RHOU: variants seen among roughly 807,000 people sequenced by gnomAD.
RHOU encodes the protein rho-related GTP-binding protein RhoU.
In RHOU, 8 loss-of-function variants were observed where a neutral mutation model predicts 12.6. The ratio of observed to expected loss-of-function variants is 0.64; its 90% confidence interval spans 0.37 to 1.15. The LOEUF is 1.15. RHOU is among the 50% of genes most tolerant of loss of function. The probability of loss-of-function intolerance (pLI) is 0.01; values close to 1 mark genes in which losing one functional copy is unlikely to be tolerated. For synonymous variants in RHOU, 161 were observed against 147.4 expected (o/e 1.09, Z -0.67); for missense variants, 258 against 347.0 (o/e 0.74, Z 2.04).
the RHOU span, among the ~76,000 whole-genome samples, chr1:228,689,834 T>C: frequency 7.9e-5 from 12 of 152,006 alleles, no homozygotes; most frequent in African/African-American, 2.7e-4. Flanking sequence ...AAAAATTGTC[T>C]TCCACGAAAC....
the RHOU span, among the ~76,000 whole-genome samples, chr1:228,677,508 T>A: frequency 1.3e-5 from 2 of 152,108 alleles, no homozygotes; most frequent in Non-Finnish European, 2.9e-5. Context: ...CCCCCCCTTT[T>A]TTTTAGCAGT....
At chr1:228,648,602 C>T in the RHOU span, among the ~76,000 whole-genome samples, 1 of 152,304 alleles carries the variant, frequency 6.6e-6, no homozygotes, top group Admixed American at 6.5e-5. Flanking sequence ...TGAACTGCAG[C>T]TTTACAGTTG....
the RHOU span, among the ~76,000 whole-genome samples, chr1:228,670,772 G>A: frequency 2.6e-5 from 4 of 152,112 alleles, no homozygotes; most frequent in African/African-American, 9.7e-5. Flanking sequence ...CTCCCTTGCC[G>A]TTCTCATGAT....
the RHOU span, among the ~76,000 whole-genome samples, chr1:228,648,279 G>T: frequency 1.3e-5 from 2 of 152,206 alleles, no homozygotes; most frequent in Non-Finnish European, 2.9e-5. Flanking sequence ...CCTCCGCGGC[G>T]CCACCCTGTT....
the RHOU span, among the ~76,000 whole-genome samples, chr1:228,690,454 T>C: frequency 2.7e-5 from 4 of 149,966 alleles, no homozygotes; most frequent in Non-Finnish European, 5.9e-5. Context: ...GCCTCCTGAG[T>C]AGCTGGGATT....
chr1:228,658,448 G>A, the RHOU span, among the ~76,000 whole-genome samples: 2 of 152,148 alleles, frequency 1.3e-5, no homozygotes, highest in Non-Finnish European at 2.9e-5. Flanking sequence ...ATGTTCCTCC[G>A]CTCTGAAAGA....
At chr1:228,671,735 A>AAAG in the RHOU span, among the ~76,000 whole-genome samples, 1 of 150,456 alleles carries the variant, frequency 6.6e-6, no homozygotes, top group Non-Finnish European at 1.5e-5. Flanking sequence ...AAAAAAAAAA[A>AAAG]GAGAACTAAG....
Position 228,738,686 on chromosome 1 carries a change from G to A in RHOU, c.321+955G>A, listed in dbSNP as rs1662662635. 6.6e-6 allele frequency among the ~76,000 whole-genome samples: 1 copy of A among 152,194 alleles called. No homozygotes were observed. The highest frequency in any genetic ancestry group is 1.5e-5 in the Non-Finnish European group (1 of 68,038). On this transcript the variant is annotated intron_variant, in intron 2 of 2. Coordinates refer to ENST00000366691, the MANE Select transcript of RHOU (RefSeq NM_021205.6). This position sits in a 1 kb window ranked among gnomAD's most constrained non-coding sequence, Gnocchi z 4.2. ...CCTACTCTGGGACAGCAGATTCAGA[G>A]CTAAGGACAGATCTTATTTTTTAAA...
chr1:228,655,745 G>A, the RHOU span, among the ~76,000 whole-genome samples: 1 of 152,248 alleles, frequency 6.6e-6, no homozygotes, highest in African/African-American at 2.4e-5. Context: ...ATTGGTTAGT[G>A]ATGCTTTCAA....
chr1:228,705,705 C>T, the RHOU span, among the ~76,000 whole-genome samples: 1 of 152,102 alleles, frequency 6.6e-6, no homozygotes, highest in African/African-American at 2.4e-5. Flanking sequence ...GATCCTGGAC[C>T]CAGTCCAGTT....
chr1:228,682,931 G>A, the RHOU span, among the ~76,000 whole-genome samples: 1 of 152,188 alleles, frequency 6.6e-6, no homozygotes, highest in African/African-American at 2.4e-5. Context: ...GGTGAGTGGA[G>A]TGAAGTAGCC....
rs2102714666 is a variant in RHOU at position 228,735,814 on chromosome 1, G to A, written c.72G>A (p.Glu24=). The A allele has an allele frequency of 8.2e-7, 1 of 1,222,906 alleles. No individual in the cohort carries two copies. The highest frequency in any genetic ancestry group is 4.0e-5 in the South Asian group (1 of 24,862). The allele number at this position is 1,222,906 out of a possible 1,614,324, so 75.8% of individuals were successfully genotyped here. The change falls in exon 1 of 3, where the codon GAG becomes GAA. Residue 24 remains glutamate (E), a synonymous_variant. Transcript: ENST00000366691. The surrounding 1 kb of genome is among the most constrained non-coding windows in gnomAD (Gnocchi z 8.1). ...CEAPPVPPRR[E]RGGRGGRGPG... The stretch of plus-strand genomic sequence containing the variant: ...CGCCTCCGGTGCCGCCGCGTCGGGA[G>A]CGCGGTGGACGCGGGGGACGCGGGC...
At chr1:228,648,465 C>T in the RHOU span, among the ~76,000 whole-genome samples, 5 of 152,332 alleles carry the variant, frequency 3.3e-5, no homozygotes, top group East Asian at 5.8e-4. Flanking sequence ...GCCCACAGTC[C>T]TGGGATCTTC....
At chr1:228,647,138 G>T in the RHOU span, among the ~76,000 whole-genome samples, 1 of 152,100 alleles carries the variant, frequency 6.6e-6, no homozygotes, top group Non-Finnish European at 1.5e-5. Context: ...GGGTGGAGGG[G>T]TTTGAGCTGT....
the RHOU span, among the ~76,000 whole-genome samples, chr1:228,708,708 CA>C: frequency 2.6e-5 from 4 of 151,896 alleles, no homozygotes; most frequent in Non-Finnish European, 5.9e-5. Context: ...AAAATCATGC[CA>C]AAATGTAAAG....
the RHOU span, among the ~76,000 whole-genome samples, chr1:228,710,754 A>G: frequency 2.6e-5 from 4 of 151,694 alleles, no homozygotes; most frequent in Non-Finnish European, 1.5e-5. Context: ...CTGGCACAAG[A>G]CAGGGATGCC....
At chr1:228,686,779 C>T in the RHOU span, among the ~76,000 whole-genome samples, 2 of 152,064 alleles carry the variant, frequency 1.3e-5, no homozygotes, top group African/African-American at 4.8e-5. Flanking sequence ...CTTCCTCTGT[C>T]TCTCAGGCTG....
the RHOU span, among the ~76,000 whole-genome samples, chr1:228,678,681 G>A: frequency 4.6e-5 from 7 of 152,134 alleles, no homozygotes; most frequent in African/African-American, 1.4e-4. Flanking sequence ...ATATTGATAC[G>A]TAGTCCTTTT....
chr1:228,707,206 C>T, the RHOU span, among the ~76,000 whole-genome samples: 126 of 42,800 alleles, frequency 2.9e-3, no homozygotes, highest in African/African-American at 6.7e-3. Context: ...CATATATATA[C>T]ATATATATAT....
Sources: allele counts gnomAD v4.1 joint callset (sites outside exome capture counted in the v4.1 genomes callset), GRCh38; gene constraint gnomAD v4.1.1; non-coding constraint Gnocchi (gnomAD v3.1); transcripts MANE v1.5; gene names NCBI Gene and HGNC (gene_info 2026-07-23, HGNC 2026-07-21).